Variants in SLC35F1 observed in about 807,000 individuals in gnomAD.
SLC35F1 encodes chromosome 6 open reading frame 169.
A neutral mutation model predicts 48.7 loss-of-function variants in SLC35F1; 14 were observed. That is an observed-to-expected ratio of 0.29 (90% CI 0.19 to 0.45). The LOEUF (loss-of-function observed/expected upper bound fraction) is 0.45, where lower values mean the gene tolerates loss of function less well. Ranked by LOEUF, SLC35F1 falls within the 20% of genes least tolerant of loss-of-function variation. The probability of loss-of-function intolerance (pLI) is 1.00; values close to 1 mark genes in which losing one functional copy is unlikely to be tolerated. For missense variants in SLC35F1, 404 were observed against 500.0 expected, an observed-to-expected ratio of 0.81 and a Z score of 1.83; for synonymous variants, 190 against 202.2, an observed-to-expected ratio of 0.94 and a Z score of 0.51.
chr6:118,139,257 C>T (rs1415781771), intron 1 of SLC35F1, among the ~76,000 whole-genome samples: 4 of 152,040 alleles, frequency 2.6e-5, no homozygotes, highest in Non-Finnish European at 5.9e-5. Context: ...GGACTACAGG[C>T]GCCTGCCACC....
intron 1 of SLC35F1, among the ~76,000 whole-genome samples, chr6:117,926,205 G>A (rs1053928247): frequency 1.3e-5 from 2 of 152,130 alleles, no homozygotes; most frequent in Non-Finnish European, 2.9e-5. Flanking sequence ...CCGCCATGCT[G>A]TTCTCTTGGT....
At chr6:118,260,585 A>G (rs1775700163) in intron 3 of SLC35F1, among the ~76,000 whole-genome samples, 1 of 152,132 alleles carries the variant, frequency 6.6e-6, no homozygotes, top group Admixed American at 6.5e-5. Flanking sequence ...CACACAACAA[A>G]AAATTATTAA....
In SLC35F1 at chr6:118,303,155, C is replaced by A. The variant is rs912953290; in HGVS notation, c.1003-10873C>A. Among the ~76,000 whole-genome samples the A allele has an allele frequency of 2.6e-5, 4 of 152,176 alleles. No individual in the cohort carries two copies. The East Asian group carries it at 7.7e-4, about 29-fold the overall frequency. ...GAATTCCAATACTGATGCAAGGGAG[C>A]TCATTTTTCATTTTGTCAAGGGGTT... On this transcript the variant is annotated intron_variant, in intron 7 of 7. Transcript: ENST00000360388.
chr6:118,259,620 G>A (rs1406210676), intron 3 of SLC35F1, among the ~76,000 whole-genome samples: 1 of 148,106 alleles, frequency 6.8e-6, no homozygotes. Flanking sequence ...ATACTAAAAG[G>A]GGTTTAATAT....
chr6:118,311,540 A>G (rs1349935911), intron 7 of SLC35F1, among the ~76,000 whole-genome samples: 1 of 152,252 alleles, frequency 6.6e-6, no homozygotes, highest in African/African-American at 2.4e-5. Flanking sequence ...CTGTAATCCT[A>G]ACACTTTGGG....
chr6:117,920,158 A>C (rs925627905), intron 1 of SLC35F1, among the ~76,000 whole-genome samples: 1 of 151,964 alleles, frequency 6.6e-6, no homozygotes, highest in Non-Finnish European at 1.5e-5. Context: ...GCTCTTAGAG[A>C]GGGGCCCTGT....
intron 3 of SLC35F1, among the ~76,000 whole-genome samples, chr6:118,256,782 C>T (rs1177963525): frequency 6.6e-6 from 1 of 151,940 alleles, no homozygotes; most frequent in Non-Finnish European, 1.5e-5. Context: ...CCCTATAAAC[C>T]CATCATAAGT....
At chr6:118,194,112 T>C (rs1193766748) in intron 2 of SLC35F1, among the ~76,000 whole-genome samples, 1 of 143,914 alleles carries the variant, frequency 6.9e-6, no homozygotes, top group African/African-American at 2.5e-5. Context: ...CAGAAGAAGA[T>C]CCAATAGTTG....
At chr6:118,059,006 C>A (rs1772500114) in intron 1 of SLC35F1, among the ~76,000 whole-genome samples, 1 of 152,088 alleles carries the variant, frequency 6.6e-6, no homozygotes, top group Non-Finnish European at 1.5e-5. Flanking sequence ...TATTGCAATT[C>A]ATCATTTTAA....
At chr6:118,105,216 A>G (rs1773312248) in intron 1 of SLC35F1, among the ~76,000 whole-genome samples, 1 of 151,936 alleles carries the variant, frequency 6.6e-6, no homozygotes, top group African/African-American at 2.4e-5. Context: ...CTTGTTGTCT[A>G]CTTCCCATTC....
At chr6:117,943,771 A>G (rs1776261722) in intron 1 of SLC35F1, among the ~76,000 whole-genome samples, 1 of 152,206 alleles carries the variant, frequency 6.6e-6, no homozygotes, top group African/African-American at 2.4e-5. Flanking sequence ...CTCAGTTTAA[A>G]ACCATTGATT....
intron 1 of SLC35F1, among the ~76,000 whole-genome samples, chr6:118,091,116 C>A (rs1773067398): frequency 1.3e-5 from 2 of 152,120 alleles, no homozygotes; most frequent in Non-Finnish European, 2.9e-5. Context: ...TGAAATGGGT[C>A]TTAGATGAAG....
chr6:118,001,752 A>G (rs1777099164), intron 1 of SLC35F1, among the ~76,000 whole-genome samples: 1 of 152,360 alleles, frequency 6.6e-6, no homozygotes, highest in Middle Eastern at 3.4e-3. Flanking sequence ...ACAAATTTAC[A>G]AGAAAAAAAC....
intron 1 of SLC35F1, among the ~76,000 whole-genome samples, chr6:117,952,742 T>C (rs942149870): frequency 1.3e-5 from 2 of 152,228 alleles, no homozygotes. Flanking sequence ...GATTTGGTCT[T>C]CAGTCTAATC....
In SLC35F1 at chr6:118,180,479, G is replaced by C. The variant is rs1403818759; in HGVS notation, c.349+25859G>C. ...AAGACAGTTTTCATTGTATGACACG[G>C]GAGAAAGAGATTATCAAAAATTGAT... On this transcript the variant is annotated intron_variant, in intron 2 of 7. Transcript: ENST00000360388. Among the ~76,000 whole-genome samples, 7 of 151,762 alleles carry C rather than the reference G, an allele frequency of 4.6e-5. No individual in the cohort carries two copies. The South Asian group carries it at 1.5e-3, about 32-fold the overall frequency.
chr6:118,073,466 G>A (rs528732288), intron 1 of SLC35F1, among the ~76,000 whole-genome samples: 3 of 152,270 alleles, frequency 2.0e-5, no homozygotes, highest in African/African-American at 7.2e-5. Flanking sequence ...TAGTATTGTG[G>A]TTGGCACATA....
intron 2 of SLC35F1, among the ~76,000 whole-genome samples, chr6:118,204,446 T>C (rs999236511): frequency 6.1e-4 from 93 of 152,310 alleles, no homozygotes; most frequent in African/African-American, 2.2e-3. Context: ...TTAAATAATG[T>C]CATCCTGCCC....
chr6:118,055,425 G>C (rs1311047173), intron 1 of SLC35F1, among the ~76,000 whole-genome samples: 1 of 152,118 alleles, frequency 6.6e-6, no homozygotes, highest in Non-Finnish European at 1.5e-5. Context: ...TGGAAGAAAA[G>C]CCTCTTTCTT....
chr6:118,048,818 C>T (rs547843538), intron 1 of SLC35F1, among the ~76,000 whole-genome samples: 10 of 152,262 alleles, frequency 6.6e-5, no homozygotes, highest in African/African-American at 2.2e-4. Context: ...AATGCCATCC[C>T]CATCAAGCTA....
Sources: gnomAD v4.1 joint callset for allele counts (sites outside exome capture counted in the v4.1 genomes callset) on GRCh38, gnomAD v4.1.1 for gene constraint, MANE v1.5 for transcripts, NCBI Gene and HGNC (gene_info 2026-07-23, HGNC 2026-07-21) for gene names.